ARL13B: variants seen among roughly 807,000 people sequenced by gnomAD.
The protein encoded by ARL13B is ADP-ribosylation factor-like protein 13B.
A neutral mutation model predicts 56.1 loss-of-function variants in ARL13B; 36 were observed. That is an observed-to-expected ratio of 0.64 (90% CI 0.49 to 0.85). The LOEUF (loss-of-function observed/expected upper bound fraction) is 0.85. Ranked by LOEUF, ARL13B falls within the 40% of genes least tolerant of loss-of-function variation. The pLI is 0.00. For missense variants in ARL13B, 519 were observed against 507.1 expected (o/e 1.02, Z -0.23); for synonymous variants, 178 against 171.1 (o/e 1.04, Z -0.32).
At chr3:93,996,808 C>G (rs1219419058) in intron 2 of ARL13B, 1 of 170,624 alleles carries the variant, frequency 5.9e-6, no homozygotes, top group African/African-American at 2.4e-5. Context: ...GGGCCGTGGA[C>G]CAATATCTGT....
At chr3:94,006,874 TATA>T (rs2076144566) in intron 3 of ARL13B, among the ~76,000 whole-genome samples, 1 of 152,084 alleles carries the variant, frequency 6.6e-6, no homozygotes, top group Non-Finnish European at 1.5e-5. Context: ...AGATCTGCTG[TATA>T]ATAAGTAGAA....
Position 94,053,265 on chromosome 3 carries a change from C to T in ARL13B, c.*2C>T, listed in dbSNP as rs377420487. 3.2e-5 allele frequency: 51 copies of T among 1,612,750 alleles called. No homozygotes were observed. In the African/African-American group the frequency reaches 4.4e-4, roughly 14 times the overall value. On this transcript the variant is annotated 3_prime_UTR_variant, in exon 10 of 10. Transcript: ENST00000394222. ...GATGCTCATGATGTGATCTCATAAACAAGACGTATGGAGGAGTTCTCTTAA... is the reference window on the plus strand; with the variant it reads ...GATGCTCATGATGTGATCTCATAAATAAGACGTATGGAGGAGTTCTCTTAA...
chr3:94,035,756 T>A (rs2076756992), intron 4 of ARL13B, among the ~76,000 whole-genome samples: 1 of 152,134 alleles, frequency 6.6e-6, no homozygotes, highest in African/African-American at 2.4e-5. Context: ...TTTAAACATA[T>A]GAGAGATTCA....
rs1253376327 is a variant in ARL13B at position 94,054,451 on chromosome 3, A to G, written c.*1188A>G. ...TAACTTCTAGATGTATATTTTTAAT[A>G]ATAGATTCATAATGTTACATTTAAT... On this transcript the variant is annotated 3_prime_UTR_variant, in exon 10 of 10. Coordinates refer to ENST00000394222, the MANE Select transcript of ARL13B (RefSeq NM_001174150.2). 2.8e-6 allele frequency: 1 copy of G among 358,472 alleles called. No homozygotes were observed. Among genetic ancestry groups the G allele is most frequent in the Non-Finnish European group, 5.4e-6 (1 of 184,866 alleles). 22.2% of individuals were successfully genotyped at this position (358,472 alleles called of 1,614,324 possible).
intron 3 of ARL13B, among the ~76,000 whole-genome samples, chr3:94,021,182 T>TTATATA (rs373884811): frequency 3.4e-5 from 5 of 146,450 alleles, no homozygotes; most frequent in Admixed American, 6.9e-5. Context: ...TTTAATATTA[T>TTATATA]TATATATATA....
chr3:94,026,169 G>T (rs1174575504), intron 3 of ARL13B, among the ~76,000 whole-genome samples: 1 of 152,014 alleles, frequency 6.6e-6, no homozygotes, highest in Admixed American at 6.6e-5. Context: ...ACAGGCGCCC[G>T]CCACCACACC....
chr3:93,991,733 TA>T (rs1001973177), intron 1 of ARL13B, among the ~76,000 whole-genome samples: 114 of 152,372 alleles, frequency 7.5e-4, no homozygotes, highest in African/African-American at 2.7e-3. Flanking sequence ...AAATAAATTA[TA>T]ACCTCTTTAT....
At chr3:93,981,798 T>C (rs1382601341) in intron 1 of ARL13B, among the ~76,000 whole-genome samples, 2 of 127,848 alleles carry the variant, frequency 1.6e-5, no homozygotes, top group Admixed American at 2.1e-4. Context: ...CACTTGAGCC[T>C]GGGAGGCGGA....
Position 93,988,802 on chromosome 3 carries a change from T to A in ARL13B, c.60-7072T>A, listed in dbSNP as rs541054769. ...TTTGTTTGCATTTTTTTTTTTTTTT[T>A]AATCTGAAGATTTAGCCTTTCCTGA... On this transcript the variant is annotated intron_variant, in intron 1 of 9. Coordinates refer to ENST00000394222, the MANE Select transcript of ARL13B (RefSeq NM_001174150.2). 4.5e-4 allele frequency: 177 copies of A among 394,276 alleles called. 1 individual carries two copies. The highest frequency in any genetic ancestry group is 3.4e-3 in the African/African-American group (158 of 46,466). 24.4% of individuals were successfully genotyped at this position (394,276 alleles called of 1,614,324 possible). A position where few individuals can be genotyped will look rare whatever the true frequency, so the allele number is the denominator to read the frequency against.
At chr3:94,022,179 A>G (rs149342351) in intron 3 of ARL13B, among the ~76,000 whole-genome samples, 106 of 152,076 alleles carry the variant, frequency 7.0e-4, no homozygotes, top group African/African-American at 2.4e-3. Flanking sequence ...GCTGGAGTGC[A>G]ATGGTGTGAT....
At position 93,998,626 on chromosome 3, in the gene ARL13B, G is replaced by A. The variant is rs146110939; in HGVS notation, c.130+2682G>A. On this transcript the variant is annotated intron_variant, in intron 2 of 9. Transcript: ENST00000394222. ...TGATGTTTAAAGATGTATTTTTGTC[G>A]TATAGTCTCCTCTTTTATAAAGTCC... 2.7e-3 allele frequency among the ~76,000 whole-genome samples: 409 copies of A among 152,108 alleles called. 1 individual carries two copies. The highest frequency in any genetic ancestry group is 9.1e-3 in the African/African-American group (377 of 41,484).
chr3:94,044,803 C>T (rs1303657386), intron 7 of ARL13B, among the ~76,000 whole-genome samples: 14 of 149,480 alleles, frequency 9.4e-5, no homozygotes, highest in South Asian at 2.1e-4. Context: ...TGCCCGGCCG[C>T]GCCGTCTGGG....
chr3:94,014,601 C>T, intron 3 of ARL13B: 1 of 1,612,858 alleles, frequency 6.2e-7, no homozygotes, highest in Non-Finnish European at 8.5e-7. Context: ...TTATTTGGTT[C>T]TCCAAATTAA....
chr3:94,035,620 A>C (rs1019774923), intron 4 of ARL13B, among the ~76,000 whole-genome samples, 184 bp downstream of exon 4: 4 of 152,070 alleles, frequency 2.6e-5, no homozygotes, highest in Non-Finnish European at 4.4e-5. Context: ...TTTGTTGTCT[A>C]TTTCATTGTT....
chr3:93,989,854 TAC>T (rs2075836473), intron 1 of ARL13B, among the ~76,000 whole-genome samples: 1 of 152,200 alleles, frequency 6.6e-6, no homozygotes, highest in Non-Finnish European at 1.5e-5. Flanking sequence ...CTTATAATAC[TAC>T]AGAGTCCTTT....
At chr3:94,026,998 G>A (rs1257730900) in intron 3 of ARL13B, among the ~76,000 whole-genome samples, 1 of 152,054 alleles carries the variant, frequency 6.6e-6, no homozygotes, top group Non-Finnish European at 1.5e-5. Context: ...CCTAGAAACA[G>A]AAACATGAGT....
At chr3:94,033,123 A>G (rs1216730187) in intron 3 of ARL13B, among the ~76,000 whole-genome samples, 1 of 152,248 alleles carries the variant, frequency 6.6e-6, no homozygotes, top group Non-Finnish European at 1.5e-5. Flanking sequence ...ATTCAGAAAC[A>G]GTCAAATCTA....
intron 5 of ARL13B, among the ~76,000 whole-genome samples, chr3:94,038,611 T>C (rs1206117863): frequency 6.8e-6 from 1 of 147,446 alleles, no homozygotes; most frequent in African/African-American, 2.5e-5. Context: ...GCAACCTCCG[T>C]CTCCCAGGTT....
intron 1 of ARL13B, among the ~76,000 whole-genome samples, chr3:93,989,663 G>A (rs571076736): frequency 9.2e-5 from 14 of 151,644 alleles, no homozygotes; most frequent in Non-Finnish European, 1.8e-4. Flanking sequence ...TATCCCTTTA[G>A]AGTAGCTATT....
Sources: gnomAD v4.1 joint callset for allele counts (sites outside exome capture counted in the v4.1 genomes callset) on GRCh38, gnomAD v4.1.1 for gene constraint, MANE v1.5 for transcripts, NCBI Gene and HGNC (gene_info 2026-07-23, HGNC 2026-07-21) for gene names.